Variants in SRRM1 observed in about 807,000 individuals in gnomAD.
SRRM1 encodes serine/arginine repetitive matrix protein 1.
In SRRM1, 19 loss-of-function variants were observed where a neutral mutation model predicts 110.2. That is an observed-to-expected ratio of 0.17 (90% CI 0.12 to 0.25). SRRM1 has a LOEUF of 0.25. SRRM1 is among the 10% of genes least tolerant of loss of function. SRRM1 has a pLI of 1.00. For missense variants in SRRM1, 918 were observed against 1,145.8 expected, an observed-to-expected ratio of 0.80 and a Z score of 2.87; for synonymous variants, 443 against 414.9, an observed-to-expected ratio of 1.07 and a Z score of -0.82.
At chr1:24,643,958 A>C (rs562073856) in intron 1 of SRRM1, among the ~76,000 whole-genome samples, 3 of 152,258 alleles carry the variant, frequency 2.0e-5, no homozygotes, top group South Asian at 4.1e-4. Flanking sequence ...AGGGGGACGT[A>C]GATAACTTGT....
At chr1:24,652,299 T>G in intron 6 of SRRM1, 135 bp from the exon 7 acceptor site, 2 of 593,210 alleles carry the variant, frequency 3.4e-6, no homozygotes, top group East Asian at 3.0e-5. Context: ...TACATACTTA[T>G]GTGTCTTTTG....
Position 24,652,598 on chromosome 1 carries a change from G to A in SRRM1, c.890G>A (p.Arg297Gln). ...CGGTCCCGCTCTCCTTCTCACACTC[G>A]ACCTAGACGGCGCCATAGATCCCGA... ...RTRSRSPSHTRPRRRHRSRSR... is the reference protein window; with the variant it reads ...RTRSRSPSHTQPRRRHRSRSR... The change falls in exon 7 of 17, where the codon CGA becomes CAA. Residue 297 changes from arginine (R) to glutamine (Q), a missense_variant. Arg to Gln is a conservative substitution (Grantham distance 43, BLOSUM62 1). Coordinates refer to ENST00000323848, the MANE Select transcript of SRRM1 (RefSeq NM_005839.4). 1 of 1,608,914 alleles carries A rather than the reference G, an allele frequency of 6.2e-7. No individual in the cohort carries two copies. Among genetic ancestry groups the A allele is most frequent in the Admixed American group, 1.7e-5 (1 of 58,452 alleles).
chr1:24,661,016 T>C (rs1477615524), intron 10 of SRRM1: 1 of 537,752 alleles, frequency 1.9e-6, no homozygotes, highest in Non-Finnish European at 3.3e-6. Flanking sequence ...CTTTCTTCTT[T>C]CATCTCCGAA....
rs1374035122 is a variant in SRRM1, at chr1:24,651,505, G to T, written c.618G>T (p.Lys206Asn). ...SHSRSPRHRT[K>N]SRSPSPAPEK... is the part of the protein sequence containing the mutation. ...CTCGATCTCCCCGTCACAGAACCAA[G>T]AGCCGGAGTCCTTCCCCTGCTCCAG... Residue 206 changes from lysine (K) to asparagine (N), a missense_variant, in exon 6 of 17, where the codon AAG (lysine) becomes AAT (asparagine). Lys to Asn is a moderately conservative substitution (Grantham distance 94, BLOSUM62 0). Around this residue, in one of 5 missense-constraint regions of SRRM1, gnomAD observed 456 missense variants for 453.5 expected, o/e 1.01. Transcript: ENST00000323848. 1 of 1,614,038 alleles carries T rather than the reference G, an allele frequency of 6.2e-7. No homozygotes were observed. The highest frequency in any genetic ancestry group is 2.2e-5 in the East Asian group (1 of 44,882).
At chr1:24,657,616 T>C (rs901299147) in intron 9 of SRRM1, among the ~76,000 whole-genome samples, 1 of 151,836 alleles carries the variant, frequency 6.6e-6, no homozygotes, top group African/African-American at 2.4e-5. Flanking sequence ...GCAAATGGAG[T>C]GGGAGGGAGG....
intron 9 of SRRM1, among the ~76,000 whole-genome samples, chr1:24,658,905 G>A (rs1290253388): frequency 2.0e-5 from 3 of 152,110 alleles, no homozygotes; most frequent in African/African-American, 7.2e-5. Flanking sequence ...GAAATTTTAA[G>A]AAAAGTCGCT....
chr1:24,671,207 C>T (rs1399586726), intron 15 of SRRM1, among the ~76,000 whole-genome samples, 179 bp from the exon 16 acceptor site: 1 of 152,216 alleles, frequency 6.6e-6, no homozygotes, highest in Non-Finnish European at 1.5e-5. Flanking sequence ...TAGCCCCTGA[C>T]TTTTGAATAC....
intron 2 of SRRM1, 65 bp from the exon 3 acceptor site, chr1:24,646,602 C>G: frequency 7.0e-7 from 1 of 1,424,108 alleles, no homozygotes; most frequent in Non-Finnish European, 9.4e-7. Flanking sequence ...GTAGACAGAA[C>G]TCTAACTTGA....
rs972689199 is a variant in SRRM1 at position 24,643,492 on chromosome 1, C to A, written c.21+145C>A. 2.0e-4 allele frequency: 115 copies of A among 578,454 alleles called. 2 individuals are homozygous for A. In the East Asian group the frequency reaches 2.3e-3, roughly 12 times the overall value. 35.8% of individuals were successfully genotyped at this position (578,454 alleles called of 1,614,324 possible). On this transcript the variant is annotated intron_variant, in intron 1 of 16. Coordinates refer to ENST00000323848, the MANE Select transcript of SRRM1 (RefSeq NM_005839.4). ...TCCTAGAGCCGGCGCACCCCCCCCC[C>A]CCCCGTGCGCTGCGGCGGAGACCGG... is the stretch of plus-strand genomic sequence containing the variant.
chr1:24,644,595 G>A (rs910415315), intron 1 of SRRM1, among the ~76,000 whole-genome samples: 3 of 152,160 alleles, frequency 2.0e-5, no homozygotes, highest in African/African-American at 7.2e-5. Flanking sequence ...ATGTTAGAAT[G>A]TTATCCCCCA....
rs1557677244 is a variant in SRRM1, at chr1:24,652,925, TAGAAGGCGGCCAAGCCCA to T, written c.946_963del (p.Pro321_Arg326del). 1.9e-6 allele frequency: 3 copies of T among 1,613,918 alleles called. No individual in the cohort carries two copies. Among genetic ancestry groups the T allele is most frequent in the South Asian group, 1.1e-5 (1 of 91,030 alleles). ...TTTGTTATGGCAGATCGTATTCACC[TAGAAGGCGGCCAAGCCCA>T]AGAAGGCGGCCATCTCCTCGAAGAA... On this transcript the variant is annotated inframe_deletion, in exon 8 of 17. Coordinates refer to ENST00000323848, the MANE Select transcript of SRRM1 (RefSeq NM_005839.4).
chr1:24,652,029 A>ATATATATATATATATATAT (rs1661006949), intron 6 of SRRM1, among the ~76,000 whole-genome samples: 1 of 79,846 alleles, frequency 1.3e-5, no homozygotes. Flanking sequence ...CTGTACTAAA[A>ATATATATATATATATATAT]ATATATATAT....
At chr1:24,652,029 A>AATATATATATAT (rs1215778545) in intron 6 of SRRM1, among the ~76,000 whole-genome samples, 3,172 of 79,498 alleles carry the variant, frequency 0.04, 150 homozygotes, top group Non-Finnish European at 0.047. Context: ...CTGTACTAAA[A>AATATATATATAT]ATATATATAT....
intron 1 of SRRM1, 92 bp from the exon 2 acceptor site, chr1:24,645,892 G>A (rs1360487312): frequency 2.2e-6 from 2 of 928,978 alleles, no homozygotes; most frequent in Non-Finnish European, 3.4e-6. Context: ...GTGTTTACTT[G>A]GTTACCCTAT....
intron 12 of SRRM1, among the ~76,000 whole-genome samples, chr1:24,664,227 G>C (rs193135039): frequency 1.3e-5 from 2 of 152,010 alleles, no homozygotes; most frequent in Non-Finnish European, 2.9e-5. Context: ...AACTCCTAAA[G>C]TCAGGTGATC....
chr1:24,653,741 G>A (rs1662394385), intron 8 of SRRM1, among the ~76,000 whole-genome samples: 1 of 152,136 alleles, frequency 6.6e-6, no homozygotes, highest in Admixed American at 6.5e-5. Context: ...TAGAGTCCTA[G>A]TGCACTGGTA....
chr1:24,673,258 A>C lies in SRRM1; in HGVS notation c.*972A>C, dbSNP rs1673436312. On this transcript the variant is annotated 3_prime_UTR_variant, in exon 17 of 17. Transcript: ENST00000323848. Reference sequence around the variant, plus strand: ...GTGGATTAAACAGAATAAATTTCTAAATTTAAAAATTTTGCCACTCTTACT... The same window carrying C: ...GTGGATTAAACAGAATAAATTTCTACATTTAAAAATTTTGCCACTCTTACT... The C allele has an allele frequency of 1.3e-5, 2 of 152,020 alleles. No homozygotes were observed. The highest frequency in any genetic ancestry group is 4.1e-4 in the South Asian group (2 of 4,826). 9.4% of individuals were successfully genotyped at this position (152,020 alleles called of 1,614,324 possible).
chr1:24,653,075 C>T (rs756421726), intron 8 of SRRM1, 43 bp downstream of exon 8: 1 of 1,574,566 alleles, frequency 6.4e-7, no homozygotes, highest in African/African-American at 1.4e-5. Flanking sequence ...TTTGACACTT[C>T]TGGATAATCT....
At chr1:24,666,184 G>T (rs1015168951) in intron 12 of SRRM1, among the ~76,000 whole-genome samples, 11 of 152,278 alleles carry the variant, frequency 7.2e-5, no homozygotes, top group Middle Eastern at 3.4e-3. Flanking sequence ...GCTCTTATGT[G>T]CTGTTGCCGA....
Sources: gnomAD v4.1 joint callset for allele counts (sites outside exome capture counted in the v4.1 genomes callset) on GRCh38, gnomAD v4.1.1 for gene constraint, gnomAD v4.1.1 regional missense constraint, MANE v1.5 for transcripts, NCBI Gene and HGNC (gene_info 2026-07-23, HGNC 2026-07-21) for gene names.